Variants in APC observed in about 807,000 individuals in gnomAD.
APC encodes APC regulator of Wnt signaling pathway, also known as adenomatous polyposis coli protein.
APC carries 72 observed loss-of-function variants against 247.0 expected under a neutral mutation model. That is an observed-to-expected ratio of 0.29 (90% CI 0.24 to 0.35). APC has a LOEUF of 0.35. Ranked by LOEUF, APC falls within the 10% of genes least tolerant of loss-of-function variation. The probability of loss-of-function intolerance (pLI) is 1.00; values close to 1 mark genes in which losing one functional copy is unlikely to be tolerated. For synonymous variants in APC, 1,254 were observed against 1,162.5 expected, an observed-to-expected ratio of 1.08 and a Z score of -1.60; for missense variants, 3,400 against 3,360.7, an observed-to-expected ratio of 1.01 and a Z score of -0.29.
rs1750573131 is a variant in APC, at chr5:112,707,539, A to G, written c.-179A>G. 1 of 514,586 alleles carries G rather than the reference A, an allele frequency of 1.9e-6. No individual in the cohort carries two copies. The highest frequency in any genetic ancestry group is 3.2e-5 in the Admixed American group (1 of 30,786). The allele number at this position is 514,586 out of a possible 1,614,324, so 31.9% of individuals were successfully genotyped here. A position where few individuals can be genotyped will look rare whatever the true frequency, so the allele number is the denominator to read the frequency against. The stretch of plus-strand genomic sequence containing the variant: ...ACCTCCCACAAGATGGCGGAGGGCA[A>G]GTAGCAAGGGGGCGGGGTGTGGCCG... On this transcript the variant is annotated 5_prime_UTR_variant, in exon 1 of 14. Transcript: ENST00000507379.
At chr5:112,836,009 C>CTTT (rs371484714) in intron 15 of APC, among the ~76,000 whole-genome samples, 9 of 106,324 alleles carry the variant, frequency 8.5e-5, no homozygotes, top group East Asian at 2.6e-4. Context: ...ATACAACTGT[C>CTTT]TTTTTTTTTT....
chr5:112,751,483 C>G (rs1754360407), intron 1 of APC, among the ~76,000 whole-genome samples: 1 of 151,942 alleles, frequency 6.6e-6, no homozygotes, highest in Non-Finnish European at 1.5e-5. Context: ...TAAGAAACGT[C>G]TTTCCATTTG....
chr5:112,802,331 CAA>C (rs1760916083), intron 8 of APC, among the ~76,000 whole-genome samples: 1 of 152,030 alleles, frequency 6.6e-6, no homozygotes, highest in African/African-American at 2.4e-5. Context: ...TATTGGAAAA[CAA>C]GTGGTAAATT....
At chr5:112,787,168 G>A (rs112578208) in intron 6 of APC, among the ~76,000 whole-genome samples, 2,100 of 152,148 alleles carry the variant, frequency 0.014, 42 homozygotes, top group East Asian at 0.078. Context: ...GATTACAGGC[G>A]TGAGCCACCA....
At chr5:112,776,609 A>C (rs1157574822) in intron 5 of APC, among the ~76,000 whole-genome samples, 2 of 152,202 alleles carry the variant, frequency 1.3e-5, no homozygotes, top group African/African-American at 4.8e-5. Context: ...AGGCTGAGAA[A>C]GGTGGATCAC....
At chr5:112,747,173 C>T (rs940790287) in intron 1 of APC, among the ~76,000 whole-genome samples, 3 of 151,988 alleles carry the variant, frequency 2.0e-5, no homozygotes, top group Admixed American at 6.6e-5. Context: ...TTCACAGCAA[C>T]TCAAATAGCC....
chr5:112,781,532 T>G (rs2149644307), intron 6 of APC, among the ~76,000 whole-genome samples: 1 of 152,372 alleles, frequency 6.6e-6, no homozygotes, highest in South Asian at 2.1e-4. Context: ...TAGCGTGGGT[T>G]GTTGTTTTCT....
chr5:112,745,743 T>C (rs1042854208), intron 1 of APC, among the ~76,000 whole-genome samples: 1 of 151,510 alleles, frequency 6.6e-6, no homozygotes, highest in Non-Finnish European at 1.5e-5. Context: ...AATTTTTGTA[T>C]TGTTAGTAGA....
chr5:112,814,191 A>G (rs745833779), intron 8 of APC, among the ~76,000 whole-genome samples: 2 of 152,192 alleles, frequency 1.3e-5, no homozygotes, highest in African/African-American at 2.4e-5. Flanking sequence ...TATTGCTGAC[A>G]CTATTCTTAC....
chr5:112,837,509 A>T (rs1765062450), intron 15 of APC, 44 bp from the exon 16 acceptor site: 1 of 1,434,452 alleles, frequency 7.0e-7, no homozygotes, highest in South Asian at 1.2e-5. Context: ...GTTACTGCAT[A>T]CACATTGTGA....
chr5:112,840,955 A>G lies in APC; in HGVS notation c.5361A>G (p.Thr1787=). 1 of 1,613,230 alleles carries G rather than the reference A, an allele frequency of 6.2e-7. No individual in the cohort carries two copies. Among genetic ancestry groups the G allele is most frequent in the Middle Eastern group, 1.6e-4 (1 of 6,062 alleles). The change falls in exon 16 of 16, where the codon ACA becomes ACG. Residue 1787 remains threonine (T), a synonymous_variant. Coordinates refer to ENST00000257430, the MANE Select transcript of APC (RefSeq NM_000038.6). This position sits in a 1 kb window ranked among gnomAD's most constrained non-coding sequence, Gnocchi z 4.1. The part of the protein sequence containing the change: ...KPIPQNTEYR[T]RVRKNADSKN... Reference sequence around the variant, plus strand: ...TACCACAAAATACTGAATATAGGACACGTGTAAGAAAAAATGCAGACTCAA... The same window carrying G: ...TACCACAAAATACTGAATATAGGACGCGTGTAAGAAAAAATGCAGACTCAA...
chr5:112,838,967 G>C lies in APC; in HGVS notation c.3373G>C (p.Val1125Leu). ...VGSNHGINQN[V>L]SQSLCQEDDY... ...TTCTAATCATGGAATTAATCAAAAT[G>C]TAAGCCAGTCTTTGTGTCAAGAAGA... The change falls in exon 16 of 16, where the codon GTA becomes CTA. Residue 1125 changes from valine to leucine, a missense_variant. Physicochemically the swap from Val to Leu is conservative, Grantham distance 32. Around this residue, in one of 9 missense-constraint regions of APC, gnomAD observed 715 missense variants for 656.6 expected, o/e 1.09. Coordinates refer to ENST00000257430, the MANE Select transcript of APC (RefSeq NM_000038.6). 1 of 1,614,094 alleles carries C rather than the reference G, an allele frequency of 6.2e-7. No homozygotes were observed. Among genetic ancestry groups the C allele is most frequent in the Non-Finnish European group, 8.5e-7 (1 of 1,180,018 alleles).
intron 1 of APC, among the ~76,000 whole-genome samples, chr5:112,745,627 A>G (rs1055085543): frequency 6.6e-6 from 1 of 151,792 alleles, no homozygotes; most frequent in Non-Finnish European, 1.5e-5. Flanking sequence ...GCAGTGTTGC[A>G]ATCTCGGCTC....
chr5:112,782,734 G>A (rs1303331729), intron 6 of APC, among the ~76,000 whole-genome samples: 1 of 152,070 alleles, frequency 6.6e-6, no homozygotes, highest in Admixed American at 6.6e-5. Flanking sequence ...TATTTCTTAA[G>A]AAAGACTTAA....
intron 1 of APC, among the ~76,000 whole-genome samples, chr5:112,746,338 C>G (rs75031223): frequency 6.6e-6 from 1 of 152,188 alleles, no homozygotes; most frequent in Non-Finnish European, 1.5e-5. Flanking sequence ...AGCTGACTTT[C>G]AAAGAATAGA....
At position 112,840,644 on chromosome 5, in the gene APC, T is replaced by C. The variant is rs886059795; in HGVS notation, c.5050T>C (p.Phe1684Leu). The C allele has an allele frequency of 6.2e-7, 1 of 1,613,906 alleles. No homozygotes were observed. Among genetic ancestry groups the C allele is most frequent in the Non-Finnish European group, 8.5e-7 (1 of 1,179,894 alleles). ...GVRGGAQSGEFEKRDTIPTEG... is the reference protein window; with the variant it reads ...GVRGGAQSGELEKRDTIPTEG... ...TAGAGGAGGGGCACAGTCAGGTGAATTTGAAAAACGAGATACCATTCCTAC... is the reference window on the plus strand; with the variant it reads ...TAGAGGAGGGGCACAGTCAGGTGAACTTGAAAAACGAGATACCATTCCTAC... Residue 1684 changes from phenylalanine (F) to leucine (L), a missense_variant, in exon 16 of 16, where the codon TTT (phenylalanine) becomes CTT (leucine). By Grantham distance (22) the Phe-to-Leu change is conservative. Transcript: ENST00000257430. This position sits in a 1 kb window ranked among gnomAD's most constrained non-coding sequence, Gnocchi z 4.1.
chr5:112,738,260 AC>A, intron 1 of APC: 1 of 984,074 alleles, frequency 1.0e-6, no homozygotes, highest in Non-Finnish European at 1.2e-6. Context: ...ATCTAAGGAA[AC>A]GGGTAGAGGA....
chr5:112,707,828 G>A, exon 1 of APC: 1 of 1,370,650 alleles, frequency 7.3e-7, no homozygotes, highest in Non-Finnish European at 9.6e-7. Flanking sequence ...TCCGGCAGGA[G>A]ACGAAGAGCC....
At chr5:112,783,167 A>G (rs199959626) in intron 6 of APC, among the ~76,000 whole-genome samples, 1 of 152,310 alleles carries the variant, frequency 6.6e-6, no homozygotes, top group East Asian at 1.9e-4. Context: ...TGCTATATAA[A>G]TATAAGTAGG....
Sources: gnomAD v4.1 joint callset for allele counts (sites outside exome capture counted in the v4.1 genomes callset) on GRCh38, gnomAD v4.1.1 for gene constraint, gnomAD v4.1.1 regional missense constraint, Gnocchi (gnomAD v3.1) non-coding constraint, MANE v1.5 for transcripts, NCBI Gene and HGNC (gene_info 2026-07-23, HGNC 2026-07-21) for gene names.